The following GLUD1 variants were observed in gnomAD, a reference collection of about 807,000 sequenced individuals.
GLUD1 encodes the protein glutamate dehydrogenase 1.
Under a neutral mutation model 56.0 loss-of-function variants are expected in GLUD1, and 22 were observed. That is an observed-to-expected ratio of 0.39 (90% confidence interval 0.28 to 0.56). The LOEUF (loss-of-function observed/expected upper bound fraction) is 0.56. GLUD1 is among the 20% of genes least tolerant of loss of function. GLUD1 has a pLI of 0.58. For synonymous variants in GLUD1, 223 were observed against 269.9 expected (o/e 0.83, Z 1.70); for missense variants, 451 against 732.0 (o/e 0.62, Z 4.43).
chr10:87,073,607 ATTCTTTTTTT>A (rs1846299811), intron 4 of GLUD1, among the ~76,000 whole-genome samples: 1 of 131,916 alleles, frequency 7.6e-6, no homozygotes, highest in African/African-American at 2.8e-5. Context: ...AACAATTAAC[ATTCTTTTTTT>A]TTTTTTTTTT....
chr10:87,074,566 T>C lies in GLUD1; in HGVS notation c.631A>G (p.Lys211Glu), dbSNP rs764850681. The C allele has an allele frequency of 6.3e-7, 1 of 1,585,852 alleles. No individual in the cohort carries two copies. The highest frequency in any genetic ancestry group is 2.2e-5 in the East Asian group (1 of 44,738). Reference protein sequence around the residue: ...ITRRFTMELAKKGFIGPGIDV... With the variant: ...ITRRFTMELAEKGFIGPGIDV... ...CTACACATACCAATAAAGCCCTTTT[T>C]TGCTAGCTCCATGGTGAACCTCCTT... is the stretch of plus-strand genomic sequence containing the variant. The change falls in exon 4 of 13, where the codon AAA (lysine) becomes GAA (glutamate). Residue 211 changes from lysine (K) to glutamate (E), a missense_variant. This residue lies in a region of GLUD1 where 248 missense variants were observed against 460.0 expected (regional missense o/e 0.54). Coordinates refer to ENST00000277865, the MANE Select transcript of GLUD1 (RefSeq NM_005271.5).
At chr10:87,069,938 G>A (rs1429348299) in intron 4 of GLUD1, among the ~76,000 whole-genome samples, 2 of 152,156 alleles carry the variant, frequency 1.3e-5, no homozygotes, top group Non-Finnish European at 2.9e-5. Flanking sequence ...CCATATTCTA[G>A]CCTCATCCAC....
rs898859927 is a variant in GLUD1, at chr10:87,051,619, G to T, written c.*132C>A. 1.6e-4 allele frequency: 165 copies of T among 1,027,384 alleles called. No homozygotes were observed. Among genetic ancestry groups the T allele is most frequent in the Middle Eastern group, 6.0e-4 (2 of 3,358 alleles). The allele number at this position is 1,027,384 out of a possible 1,614,324, so 63.6% of individuals were successfully genotyped here. ...TCTCCTTAACGGGCTGACTTGGATT[G>T]ACTTGTTGAGAATGGTATCCATTAT... On this transcript the variant is annotated 3_prime_UTR_variant, in exon 13 of 13. Transcript: ENST00000277865.
Position 87,051,320 on chromosome 10 carries a change from C to T in GLUD1, c.*431G>A, listed in dbSNP as rs2133772339. Reference sequence around the variant, plus strand: ...AAGAACTCACTTGAGGACCATGCCACCTTCTGAAAAGGCCACACACCTACT... The same window carrying T: ...AAGAACTCACTTGAGGACCATGCCATCTTCTGAAAAGGCCACACACCTACT... On this transcript the variant is annotated 3_prime_UTR_variant, in exon 13 of 13. Transcript: ENST00000277865. 4.2e-6 allele frequency: 1 copy of T among 240,358 alleles called. No homozygotes were observed. The highest frequency in any genetic ancestry group is 7.4e-5 in the South Asian group (1 of 13,474). 14.9% of individuals were successfully genotyped at this position (240,358 alleles called of 1,614,324 possible).
chr10:87,059,096 C>T (rs139123008), intron 10 of GLUD1, 54 bp downstream of exon 10: 34 of 1,605,812 alleles, frequency 2.1e-5, no homozygotes, highest in Non-Finnish European at 2.9e-5. Flanking sequence ...CTTTTTACAG[C>T]CTTTCAGCTG....
chr10:87,075,335 A>G, intron 3 of GLUD1, among the ~76,000 whole-genome samples: 1 of 152,324 alleles, frequency 6.6e-6, no homozygotes, highest in Admixed American at 6.5e-5. Context: ...ATATGGGTAT[A>G]AGTATATAAG....
At chr10:87,084,975 C>T (rs2133849663) in intron 1 of GLUD1, among the ~76,000 whole-genome samples, 1 of 152,276 alleles carries the variant, frequency 6.6e-6, no homozygotes, top group South Asian at 2.1e-4. Flanking sequence ...TAATGACCAC[C>T]TGAAATACTA....
At chr10:87,062,154 G>C (rs796808507) in intron 6 of GLUD1, among the ~76,000 whole-genome samples, 1 of 152,190 alleles carries the variant, frequency 6.6e-6, no homozygotes, top group Non-Finnish European at 1.5e-5. Context: ...CTGGCCTCAA[G>C]TGATCCACCC....
chr10:87,053,587 G>C (rs909183034), intron 11 of GLUD1, among the ~76,000 whole-genome samples, 183 bp from the exon 12 acceptor site: 5 of 152,114 alleles, frequency 3.3e-5, no homozygotes, highest in African/African-American at 1.2e-4. Flanking sequence ...TGAAGCAGTT[G>C]CTTGTTGATC....
At chr10:87,093,588 C>T (rs1841594496) in intron 1 of GLUD1, among the ~76,000 whole-genome samples, 1 of 152,206 alleles carries the variant, frequency 6.6e-6, no homozygotes, top group African/African-American at 2.4e-5. Flanking sequence ...TACACACCCC[C>T]AGAGCTATTT....
At chr10:87,066,529 T>C (rs2032030151) in intron 5 of GLUD1, among the ~76,000 whole-genome samples, 1 of 152,218 alleles carries the variant, frequency 6.6e-6, no homozygotes, top group Admixed American at 6.5e-5. Context: ...GCTTCTGAAC[T>C]TCAGAACCTT....
intron 6 of GLUD1, among the ~76,000 whole-genome samples, chr10:87,061,975 G>C (rs765685242): frequency 6.6e-6 from 1 of 152,170 alleles, no homozygotes; most frequent in Admixed American, 6.5e-5. Flanking sequence ...GCGGAGACCG[G>C]GTTTCACCAT....
intron 8 of GLUD1, 127 bp downstream of exon 8, chr10:87,060,561 A>G: frequency 8.8e-7 from 1 of 1,130,048 alleles, no homozygotes; most frequent in Non-Finnish European, 1.3e-6. Context: ...GGGGAACTGT[A>G]TGGTATGTGC....
chr10:87,083,969 C>T (rs1196998978), intron 1 of GLUD1, among the ~76,000 whole-genome samples: 5 of 152,194 alleles, frequency 3.3e-5, no homozygotes, highest in African/African-American at 1.2e-4. Context: ...CAGGAGTCCA[C>T]GGCTGGCTAA....
intron 8 of GLUD1, chr10:87,060,447 G>GC: frequency 5.6e-6 from 3 of 535,752 alleles, no homozygotes; most frequent in Non-Finnish European, 9.8e-6. Context: ...TTGTTTGCTT[G>GC]TTTTTTTTTT....
intron 12 of GLUD1, among the ~76,000 whole-genome samples, chr10:87,052,416 A>T (rs533961702): frequency 2.0e-5 from 3 of 152,264 alleles, no homozygotes; most frequent in African/African-American, 7.2e-5. Context: ...TGAAGCCAGG[A>T]GGCGGTGGTT....
intron 1 of GLUD1, among the ~76,000 whole-genome samples, chr10:87,083,217 A>AT (rs1554824251): frequency 3.9e-5 from 5 of 126,788 alleles, no homozygotes; most frequent in Non-Finnish European, 5.0e-5. Flanking sequence ...TCTCAAAAAA[A>AT]TTAAAAAAAA....
chr10:87,060,386 G>A (rs769561685), intron 8 of GLUD1, 145 bp from the exon 9 acceptor site: 9 of 745,766 alleles, frequency 1.2e-5, no homozygotes, highest in South Asian at 2.9e-5. Flanking sequence ...ATTTTTCTCT[G>A]CCAAGTGTAT....
chr10:87,054,392 T>TA (rs1845713543), intron 11 of GLUD1, among the ~76,000 whole-genome samples: 1 of 152,152 alleles, frequency 6.6e-6, no homozygotes, highest in Non-Finnish European at 1.5e-5. Flanking sequence ...GTTGAAGAGA[T>TA]ACCAGCAAGA....
Sources: allele counts gnomAD v4.1 joint callset (sites outside exome capture counted in the v4.1 genomes callset), GRCh38; gene constraint gnomAD v4.1.1; regional missense constraint gnomAD v4.1.1; transcripts MANE v1.5; gene names NCBI Gene and HGNC (gene_info 2026-07-23, HGNC 2026-07-21).